Variants in FAM193A observed in about 807,000 individuals in gnomAD.
FAM193A encodes the protein protein FAM193A.
A neutral mutation model predicts 126.5 loss-of-function variants in FAM193A; 22 were observed. The observed-to-expected ratio is 0.17, with a 90% CI of 0.12 to 0.25. The LOEUF is 0.25. FAM193A is among the 10% of genes least tolerant of loss of function. The pLI, the probability that FAM193A is intolerant of heterozygous loss-of-function variation, is 1.00. For synonymous variants in FAM193A, 761 were observed against 646.8 expected, an observed-to-expected ratio of 1.18 and a Z score of -2.68; for missense variants, 1,675 against 1,672.8, an observed-to-expected ratio of 1.00 and a Z score of -0.02.
At chr4:2,727,880 C>G (rs1720929408) in intron 20 of FAM193A, among the ~76,000 whole-genome samples, 2 of 151,778 alleles carry the variant, frequency 1.3e-5, no homozygotes, top group East Asian at 1.9e-4. Flanking sequence ...GTGGCTTGAT[C>G]ACAGTTCATT....
chr4:2,656,832 G>A (rs1711743358), intron 7 of FAM193A, among the ~76,000 whole-genome samples: 1 of 152,204 alleles, frequency 6.6e-6, no homozygotes, highest in Non-Finnish European at 1.5e-5. Flanking sequence ...ATGTTACAAA[G>A]TATCAACTTA....
At chr4:2,636,367 A>G (rs1744092072) in intron 5 of FAM193A, among the ~76,000 whole-genome samples, 1 of 152,118 alleles carries the variant, frequency 6.6e-6, no homozygotes, top group African/African-American at 2.4e-5. Context: ...CCTGCCAGGA[A>G]GAATATTTTA....
chr4:2,553,677 T>G (rs1738084692), intron 1 of FAM193A, among the ~76,000 whole-genome samples: 1 of 152,036 alleles, frequency 6.6e-6, no homozygotes, highest in Non-Finnish European at 1.5e-5. Flanking sequence ...TCCTTTGACT[T>G]ACAGTTTATT....
At chr4:2,723,798 T>G (rs1794407) in intron 20 of FAM193A, among the ~76,000 whole-genome samples, 6 of 86,400 alleles carry the variant, frequency 6.9e-5, no homozygotes, top group Non-Finnish European at 8.6e-5. Flanking sequence ...TTTCTGGGTT[T>G]TTTGTTTGTT....
chr4:2,672,469 A>G (rs1179513090), intron 13 of FAM193A, 97 bp downstream of exon 13: 2 of 1,318,314 alleles, frequency 1.5e-6, no homozygotes, highest in Non-Finnish European at 2.1e-6. Context: ...AGCAACTTGC[A>G]TAGGATAGCA....
intron 2 of FAM193A, among the ~76,000 whole-genome samples, chr4:2,603,860 T>G (rs1383870609): frequency 6.6e-6 from 1 of 151,946 alleles, no homozygotes; most frequent in East Asian, 1.9e-4. Flanking sequence ...ATTATTATTT[T>G]GAGACGGAAT....
At chr4:2,595,515 G>T (rs1340757831) in intron 1 of FAM193A, among the ~76,000 whole-genome samples, 1 of 152,190 alleles carries the variant, frequency 6.6e-6, no homozygotes, top group Non-Finnish European at 1.5e-5. Flanking sequence ...ATTTGAAAAT[G>T]CAGATGTTTA....
At chr4:2,550,999 A>C (rs1427360443) in intron 1 of FAM193A, among the ~76,000 whole-genome samples, 1 of 151,808 alleles carries the variant, frequency 6.6e-6, no homozygotes, top group East Asian at 1.9e-4. Context: ...ATGGGGTTTC[A>C]CCATGTTAGC....
chr4:2,643,856 G>T (rs1314292783), intron 6 of FAM193A, among the ~76,000 whole-genome samples: 2 of 152,154 alleles, frequency 1.3e-5, no homozygotes, highest in African/African-American at 2.4e-5. Context: ...CTATCAGGGG[G>T]TGCATCCCTC....
intron 2 of FAM193A, among the ~76,000 whole-genome samples, chr4:2,599,888 A>G (rs1199945525): frequency 6.6e-6 from 1 of 150,652 alleles, no homozygotes; most frequent in Non-Finnish European, 1.5e-5. Context: ...GGCATGCGCC[A>G]TCACACCTGG....
At chr4:2,649,348 C>G (rs1379752457) in intron 7 of FAM193A, among the ~76,000 whole-genome samples, 3 of 142,206 alleles carry the variant, frequency 2.1e-5, no homozygotes, top group Non-Finnish European at 4.5e-5. Context: ...GCACTGCAGC[C>G]TGGGTGACAG....
Position 2,571,103 on chromosome 4 carries a change from T to C in FAM193A, c.256-24981T>C, listed in dbSNP as rs575395346. Among the ~76,000 whole-genome samples the C allele has an allele frequency of 5.3e-4, 80 of 152,310 alleles. 1 individual carries two copies. The highest frequency in any genetic ancestry group is 9.0e-4 in the Non-Finnish European group (61 of 68,026). On this transcript the variant is annotated intron_variant, in intron 1 of 20. Coordinates refer to ENST00000637812, the MANE Select transcript of FAM193A (RefSeq NM_001366318.2). ...CACCTTACCCATAGGCTCTGCTCTTTAGTGACTCCCTCCGCGGCCCCAGCC... is the reference window on the plus strand; with the variant it reads ...CACCTTACCCATAGGCTCTGCTCTTCAGTGACTCCCTCCGCGGCCCCAGCC...
chr4:2,723,143 A>G (rs1463053538), intron 20 of FAM193A, among the ~76,000 whole-genome samples: 1 of 152,128 alleles, frequency 6.6e-6, no homozygotes, highest in Non-Finnish European at 1.5e-5. Flanking sequence ...GTGTGGTGGC[A>G]GGTGCCTGTA....
intron 7 of FAM193A, among the ~76,000 whole-genome samples, chr4:2,648,859 C>T (rs1194890207): frequency 6.6e-6 from 1 of 152,114 alleles, no homozygotes; most frequent in African/African-American, 2.4e-5. Flanking sequence ...GGGCTGTGGC[C>T]GTGCAGGAGG....
intron 20 of FAM193A, among the ~76,000 whole-genome samples, chr4:2,719,618 G>T (rs1284094240): frequency 6.6e-6 from 1 of 151,664 alleles, no homozygotes; most frequent in African/African-American, 2.4e-5. Context: ...CGTAGCGCAT[G>T]CCTGTAATCC....
chr4:2,717,134 C>T (rs571095296), intron 20 of FAM193A, among the ~76,000 whole-genome samples: 66 of 152,234 alleles, frequency 4.3e-4, no homozygotes, highest in African/African-American at 1.5e-3. Context: ...GGCCTGCCAC[C>T]ACGCCTGGCT....
chr4:2,634,718 A>T (rs944585264), intron 5 of FAM193A, among the ~76,000 whole-genome samples: 7 of 152,244 alleles, frequency 4.6e-5, no homozygotes, highest in African/African-American at 9.6e-5. Flanking sequence ...AAGGAAACGT[A>T]TCAGATTTCC....
intron 18 of FAM193A, among the ~76,000 whole-genome samples, chr4:2,697,774 C>T (rs1577226193): frequency 6.6e-6 from 1 of 152,212 alleles, no homozygotes; most frequent in Non-Finnish European, 1.5e-5. Context: ...AGCCTTGTCC[C>T]GTGCCCCAGA....
chr4:2,541,870 G>A (rs1274280170), intron 1 of FAM193A, among the ~76,000 whole-genome samples: 3 of 150,672 alleles, frequency 2.0e-5, no homozygotes, highest in Non-Finnish European at 3.0e-5. Flanking sequence ...TTGCTCTGTC[G>A]CCCAGGCTGG....
Sources: allele counts gnomAD v4.1 joint callset (sites outside exome capture counted in the v4.1 genomes callset), GRCh38; gene constraint gnomAD v4.1.1; transcripts MANE v1.5; gene names NCBI Gene and HGNC (gene_info 2026-07-23, HGNC 2026-07-21).